TMEM135: variants seen among roughly 807,000 people sequenced by gnomAD.
The protein encoded by TMEM135 is transmembrane protein 135.
TMEM135 carries 30 observed loss-of-function variants against 60.3 expected under a neutral mutation model. The observed-to-expected ratio is 0.50, with a 90% CI of 0.37 to 0.68. The LOEUF is 0.68. Among genes scored for constraint, TMEM135 ranks in the 30% least tolerant of loss-of-function variants. The probability of loss-of-function intolerance (pLI) is 0.00; values close to 1 mark genes in which losing one functional copy is unlikely to be tolerated. For synonymous variants in TMEM135, 190 were observed against 186.7 expected (o/e 1.02, Z -0.14); for missense variants, 468 against 548.8 (o/e 0.85, Z 1.47).
intron 5 of TMEM135, among the ~76,000 whole-genome samples, chr11:87,192,016 T>G (rs1418490471): frequency 1.6e-5 from 2 of 128,044 alleles, no homozygotes; most frequent in South Asian, 2.6e-4. Flanking sequence ...CGAGATGGAG[T>G]CTTGCTCCAG....
rs529799528 is a variant in TMEM135 at position 87,282,818 on chromosome 11, A to G, written c.510-12964A>G. On this transcript the variant is annotated intron_variant, in intron 6 of 14. Transcript: ENST00000305494. ...TCCTTGGGCCTTGGTTTCTTAATCT[A>G]TATAATATAATTCTCTCATGTTACT... is the stretch of plus-strand genomic sequence containing the variant. Among the ~76,000 whole-genome samples the G allele has an allele frequency of 9.9e-5, 15 of 152,168 alleles. 1 individual carries two copies. The highest frequency in any genetic ancestry group is 1.9e-4 in the Non-Finnish European group (13 of 68,036).
chr11:87,041,176 C>T (rs973978295), intron 1 of TMEM135, among the ~76,000 whole-genome samples: 1 of 152,076 alleles, frequency 6.6e-6, no homozygotes, highest in African/African-American at 2.4e-5. Flanking sequence ...CCTTACACAA[C>T]CCCAGCTTAT....
chr11:87,282,485 G>A (rs563484973), intron 6 of TMEM135, among the ~76,000 whole-genome samples: 1 of 152,192 alleles, frequency 6.6e-6, no homozygotes, highest in African/African-American at 2.4e-5. Context: ...GGCTGGTCTC[G>A]AACTCCTGAC....
In TMEM135 at chr11:87,066,776, A is replaced by G. The variant is rs958322678; in HGVS notation, c.142-918A>G. 3.4e-3 allele frequency among the ~76,000 whole-genome samples: 461 copies of G among 134,354 alleles called. 6 individuals are homozygous for G. The highest frequency in any genetic ancestry group is 0.012 in the African/African-American group (442 of 35,820). The allele number at this position is 134,354 out of a possible 152,430, so 88.1% of individuals were successfully genotyped here. On this transcript the variant is annotated intron_variant, in intron 1 of 14. Transcript: ENST00000305494. ...TGATACATACTTGTGTTGTTACTAG[A>G]TTCTTTCTTTTTTTTTTTTTTTTGA...
At chr11:87,197,046 A>T (rs1021734671) in intron 5 of TMEM135, among the ~76,000 whole-genome samples, 6 of 152,152 alleles carry the variant, frequency 3.9e-5, no homozygotes, top group African/African-American at 1.4e-4. Context: ...GTACCAAAAT[A>T]AAGGAAATTC....
chr11:87,210,348 C>T (rs570729121), intron 5 of TMEM135, among the ~76,000 whole-genome samples: 1 of 152,102 alleles, frequency 6.6e-6, no homozygotes, highest in Non-Finnish European at 1.5e-5. Flanking sequence ...ACTGACTCCA[C>T]AGAAATAGAA....
At chr11:87,098,589 AATT>A (rs1374354450) in intron 4 of TMEM135, among the ~76,000 whole-genome samples, 6 of 152,096 alleles carry the variant, frequency 3.9e-5, no homozygotes, top group Admixed American at 2.6e-4. Flanking sequence ...GATAAACTTA[AATT>A]ATTAAGTGAT....
chr11:87,165,707 A>G (rs1444128638), intron 5 of TMEM135, among the ~76,000 whole-genome samples: 2 of 151,580 alleles, frequency 1.3e-5, no homozygotes, highest in East Asian at 1.9e-4. Context: ...AAATACATTC[A>G]AAAGCTAGCA....
At chr11:87,245,270 C>T (rs553549134) in intron 6 of TMEM135, among the ~76,000 whole-genome samples, 6 of 149,792 alleles carry the variant, frequency 4.0e-5, no homozygotes, top group East Asian at 1.9e-4. Flanking sequence ...TTTACTTCCA[C>T]GTATGTGGTC....
intron 7 of TMEM135, among the ~76,000 whole-genome samples, chr11:87,301,202 TTCTTTC>T (rs1942441764): frequency 6.6e-6 from 1 of 152,146 alleles, no homozygotes; most frequent in African/African-American, 2.4e-5. Flanking sequence ...TAACAGCTTT[TTCTTTC>T]TAAGTATTTA....
At chr11:87,078,679 ATCTTGGC>A (rs1856922711) in intron 3 of TMEM135, among the ~76,000 whole-genome samples, 1 of 151,904 alleles carries the variant, frequency 6.6e-6, no homozygotes, top group South Asian at 2.1e-4. Context: ...CAGTGGCGTG[ATCTTGGC>A]TTTTGCAACC....
At chr11:87,155,800 C>T (rs985081340) in intron 4 of TMEM135, among the ~76,000 whole-genome samples, 1 of 152,138 alleles carries the variant, frequency 6.6e-6, no homozygotes, top group African/African-American at 2.4e-5. Context: ...TGGTTGGTGT[C>T]AGCTGTTTTA....
At chr11:87,085,258 G>C (rs915116107) in intron 3 of TMEM135, among the ~76,000 whole-genome samples, 1 of 152,134 alleles carries the variant, frequency 6.6e-6, no homozygotes, top group South Asian at 2.1e-4. Context: ...TATTCTCTCC[G>C]GGTCTGAATT....
At chr11:87,062,582 A>C (rs1053082908) in intron 1 of TMEM135, among the ~76,000 whole-genome samples, 35 of 151,522 alleles carry the variant, frequency 2.3e-4, no homozygotes, top group African/African-American at 8.2e-4. Context: ...CTCCTGCCTC[A>C]GCCTCCTGAG....
intron 5 of TMEM135, among the ~76,000 whole-genome samples, chr11:87,184,347 T>TTA (rs1240419285): frequency 2.6e-5 from 4 of 152,164 alleles, no homozygotes; most frequent in Non-Finnish European, 5.9e-5. Context: ...CCTTCAGTAG[T>TTA]AATAGAGTAT....
At chr11:87,067,181 A>G (rs1856682735) in intron 1 of TMEM135, among the ~76,000 whole-genome samples, 1 of 147,526 alleles carries the variant, frequency 6.8e-6, no homozygotes, top group Non-Finnish European at 1.5e-5. Flanking sequence ...ATATATATAC[A>G]CACACTATGT....
intron 4 of TMEM135, among the ~76,000 whole-genome samples, chr11:87,091,753 A>T (rs1857210956): frequency 6.6e-6 from 1 of 152,116 alleles, no homozygotes; most frequent in Non-Finnish European, 1.5e-5. Flanking sequence ...CTTATGGGAA[A>T]AATGATATAA....
chr11:87,212,606 G>C (rs1335819631), intron 5 of TMEM135, among the ~76,000 whole-genome samples: 1 of 151,912 alleles, frequency 6.6e-6, no homozygotes, highest in Non-Finnish European at 1.5e-5. Flanking sequence ...TGGATCACCT[G>C]AGCTCAGGAG....
chr11:87,075,551 A>T (rs1856854562), intron 3 of TMEM135, among the ~76,000 whole-genome samples: 1 of 152,128 alleles, frequency 6.6e-6, no homozygotes, highest in African/African-American at 2.4e-5. Context: ...TGGCCACTGA[A>T]ACTGTTGGGA....
Sources: gnomAD v4.1 joint callset for allele counts (sites outside exome capture counted in the v4.1 genomes callset) on GRCh38, gnomAD v4.1.1 for gene constraint, MANE v1.5 for transcripts, NCBI Gene and HGNC (gene_info 2026-07-23, HGNC 2026-07-21) for gene names.